Variants in USP40 observed in about 807,000 individuals in gnomAD.
USP40 encodes ubiquitin carboxyl-terminal hydrolase 40.
USP40 carries 143 observed loss-of-function variants against 166.2 expected under a neutral mutation model. The observed-to-expected ratio is 0.86, with a 90% CI of 0.75 to 0.99. The LOEUF is 0.99. USP40 is among the 50% of genes least tolerant of loss of function. The pLI is 0.00. For missense variants in USP40, 1,444 were observed against 1,479.7 expected (o/e 0.98, Z 0.40); for synonymous variants, 498 against 524.0 (o/e 0.95, Z 0.68).
chr2:233,487,732 C>A, intron 28 of USP40: 1 of 219,368 alleles, frequency 4.6e-6, no homozygotes. Context: ...TAATTATTGA[C>A]TATGACATGG....
At chr2:233,524,633 G>T in intron 14 of USP40, 71 bp from the exon 15 acceptor site, 1 of 1,230,042 alleles carries the variant, frequency 8.1e-7, no homozygotes, top group South Asian at 1.7e-5. Flanking sequence ...AAAGAGCTGA[G>T]ACAAATATTT....
intron 20 of USP40, 64 bp from the exon 21 acceptor site, chr2:233,510,199 A>T: frequency 7.8e-7 from 1 of 1,286,884 alleles, no homozygotes; most frequent in Non-Finnish European, 1.1e-6. Flanking sequence ...TAAATGTATT[A>T]TTTACTTTCA....
chr2:233,486,136 G>A lies in USP40; in HGVS notation c.3198-159C>T, dbSNP rs182777433. On this transcript the variant is annotated intron_variant, in intron 28 of 31. Transcript: ENST00000678225. This position sits in a 1 kb window ranked among gnomAD's most constrained non-coding sequence, Gnocchi z 4.0. The stretch of plus-strand genomic sequence containing the variant: ...GATGCTAGTGGCAAACTCTTATTCC[G>A]CATTTCAATTTCCTTTAATCTTGGA... Among the ~76,000 whole-genome samples, 3 of 152,268 alleles carry A rather than the reference G, an allele frequency of 2.0e-5. No homozygotes were observed. The highest frequency in any genetic ancestry group is 2.9e-5 in the Non-Finnish European group (2 of 68,028).
intron 13 of USP40, among the ~76,000 whole-genome samples, chr2:233,526,650 C>T (rs1191386280): frequency 1.3e-5 from 2 of 152,014 alleles, no homozygotes; most frequent in Non-Finnish European, 2.9e-5. Flanking sequence ...TCTCCCTTTT[C>T]CTTGATCAGA....
chr2:233,542,515 G>C, intron 8 of USP40, 152 bp from the exon 9 acceptor site: 1 of 553,356 alleles, frequency 1.8e-6, no homozygotes, highest in South Asian at 2.2e-5. Flanking sequence ...TTCAAGACCA[G>C]CCTGGGCAAC....
At chr2:233,494,989 T>TAAAA (rs1174971344) in intron 24 of USP40, among the ~76,000 whole-genome samples, 4 of 114,522 alleles carry the variant, frequency 3.5e-5, no homozygotes, top group African/African-American at 1.1e-4. Context: ...TACACACACA[T>TAAAA]AAAAAATAAA....
intron 18 of USP40, among the ~76,000 whole-genome samples, chr2:233,517,668 TGAGC>T (rs762444740): frequency 2.6e-4 from 40 of 152,268 alleles, no homozygotes; most frequent in Non-Finnish European, 3.5e-4. Flanking sequence ...ATTACAGGCG[TGAGC>T]CACTGTGCCC....
chr2:233,491,306 A>C, intron 25 of USP40, 45 bp from the exon 26 acceptor site: 1 of 1,375,472 alleles, frequency 7.3e-7, no homozygotes. Flanking sequence ...CTTGAAACTT[A>C]TTTTGTGTTT....
chr2:233,475,542 GGTTT>G lies in USP40; in HGVS notation c.*1846_*1849del, dbSNP rs1314365022. On this transcript the variant is annotated 3_prime_UTR_variant, in exon 32 of 32. Transcript: ENST00000678225. ...GCTAAGGGCTACAACTTTAAAAAAT[GGTTT>G]ATTTTTTTCTTTAACAAAATCGTAC... 1 of 152,258 alleles carries G rather than the reference GGTTT, an allele frequency of 6.6e-6. No individual in the cohort carries two copies. Among genetic ancestry groups the G allele is most frequent in the Non-Finnish European group, 1.5e-5 (1 of 68,014 alleles). 9.4% of individuals were successfully genotyped at this position (152,258 alleles called of 1,614,324 possible).
chr2:233,547,543 T>C (rs73996121), intron 8 of USP40, among the ~76,000 whole-genome samples: 4,688 of 152,304 alleles, frequency 0.031, 227 homozygotes, highest in African/African-American at 0.11. Flanking sequence ...ATTAACTTTC[T>C]GATAACAGGA....
chr2:233,525,637 C>A, intron 13 of USP40, 75 bp from the exon 14 acceptor site: 1 of 1,082,582 alleles, frequency 9.2e-7, no homozygotes, highest in Non-Finnish European at 1.4e-6. Context: ...GTTACTGTGC[C>A]AACTCACATA....
rs143307598 is a variant in USP40, at chr2:233,478,061, C to T, written c.3600-558G>A. 8.8e-3 allele frequency among the ~76,000 whole-genome samples: 1,337 copies of T among 152,354 alleles called. 12 individuals are homozygous for T. The highest frequency in any genetic ancestry group is 0.014 in the Admixed American group (213 of 15,312). ...TGTGGCCCACCCACGCTGCACAGTC[C>T]CCGACAGAAAGCCTCCGCGGCCCAC... On this transcript the variant is annotated intron_variant, in intron 31 of 31. Transcript: ENST00000678225.
intron 20 of USP40, among the ~76,000 whole-genome samples, chr2:233,511,491 C>T (rs2066832323): frequency 6.6e-6 from 1 of 152,084 alleles, no homozygotes; most frequent in South Asian, 2.1e-4. Flanking sequence ...TTCCTTTTAA[C>T]CACAAAATCT....
At chr2:233,542,053 T>A (rs2069467929) in intron 9 of USP40, among the ~76,000 whole-genome samples, 1 of 152,218 alleles carries the variant, frequency 6.6e-6, no homozygotes, top group African/African-American at 2.4e-5. Flanking sequence ...TTTTCTTGAA[T>A]TTTCTACCAT....
At position 233,521,096 on chromosome 2, in the gene USP40, C is replaced by T. The variant is rs201971737; in HGVS notation, c.2220G>A (p.Glu740=). 1.2e-6 allele frequency: 2 copies of T among 1,612,152 alleles called. No homozygotes were observed. The highest frequency in any genetic ancestry group is 4.5e-5 in the East Asian group (2 of 44,836). The change falls in exon 17 of 32, where the codon GAG becomes GAA. Residue 740 remains glutamate, a synonymous_variant. Transcript: ENST00000678225. ...HDDNSLLTKE[E]KWVTSMNEID... is the part of the protein sequence containing the mutation. ...TCTCATTCATACTAGTGACCCATTT[C>T]TCTTCCTTGGTCAACAAGCTGTAGG...
intron 27 of USP40, 65 bp from the exon 28 acceptor site, chr2:233,488,369 C>A (rs1489562329): frequency 1.4e-6 from 2 of 1,427,598 alleles, no homozygotes; most frequent in Non-Finnish European, 1.9e-6. Flanking sequence ...AATTTTTTTT[C>A]CCCCAATTTT....
intron 3 of USP40, chr2:233,561,204 C>T: frequency 6.4e-7 from 1 of 1,571,562 alleles, no homozygotes; most frequent in Non-Finnish European, 8.6e-7. Context: ...CCAAGCTCTT[C>T]TGGGCCAAGA....
In USP40 at chr2:233,523,411, C is replaced by T; in HGVS notation, c.1960G>A (p.Asp654Asn). 1.2e-6 allele frequency: 2 copies of T among 1,614,016 alleles called. No individual in the cohort carries two copies. The highest frequency in any genetic ancestry group is 1.7e-6 in the Non-Finnish European group (2 of 1,179,884). ...LNVLHLDTSS[D>N]GEKCCQVIES... Reference sequence around the variant, plus strand: ...ATCACCTGACAACACTTTTCTCCATCACTGCTTGTGTCTAGATGAAGAACA... The same window carrying T: ...ATCACCTGACAACACTTTTCTCCATTACTGCTTGTGTCTAGATGAAGAACA... The change falls in exon 16 of 32, where the codon GAT becomes AAT. Residue 654 changes from aspartate (D) to asparagine (N), a missense_variant. By Grantham distance (23) the Asp-to-Asn change is conservative. Transcript: ENST00000678225.
At chr2:233,503,725 A>C (rs951523077) in intron 21 of USP40, among the ~76,000 whole-genome samples, 1 of 152,194 alleles carries the variant, frequency 6.6e-6, no homozygotes, top group Non-Finnish European at 1.5e-5. Flanking sequence ...CAAAAAGCTA[A>C]AGGAATTTAT....
Sources: allele counts gnomAD v4.1 joint callset (sites outside exome capture counted in the v4.1 genomes callset), GRCh38; gene constraint gnomAD v4.1.1; non-coding constraint Gnocchi (gnomAD v3.1); transcripts MANE v1.5; gene names NCBI Gene and HGNC (gene_info 2026-07-23, HGNC 2026-07-21).